The following ENTREP2 variants were observed in gnomAD, a reference collection of about 807,000 sequenced individuals.
The protein encoded by ENTREP2 is endosomal transmembrane epsin interactor 2, also known as protein ENTREP2.
chr15:29,196,381 G>T, the ENTREP2 span: 12 of 1,539,856 alleles, frequency 7.8e-6, no homozygotes, highest in Non-Finnish European at 1.1e-5. Flanking sequence ...TAAACTGTCT[G>T]TAAGGCATGG....
the ENTREP2 span, among the ~76,000 whole-genome samples, chr15:29,382,212 A>G: frequency 2.0e-5 from 3 of 151,764 alleles, no homozygotes; most frequent in African/African-American, 7.3e-5. Context: ...CAGTGAGCCA[A>G]GATCACACCA....
the ENTREP2 span, among the ~76,000 whole-genome samples, chr15:29,398,866 T>A: frequency 6.6e-6 from 1 of 152,152 alleles, no homozygotes; most frequent in African/African-American, 2.4e-5. Flanking sequence ...GGACTGTGAA[T>A]ATGTATGTGA....
chr15:29,278,530 G>C, the ENTREP2 span, among the ~76,000 whole-genome samples: 3 of 152,196 alleles, frequency 2.0e-5, no homozygotes, highest in Admixed American at 6.5e-5. Flanking sequence ...TGAGGCCTGG[G>C]CTCCAAGAGG....
the ENTREP2 span, among the ~76,000 whole-genome samples, chr15:29,524,901 C>CGG: frequency 1.6e-4 from 25 of 152,372 alleles, no homozygotes; most frequent in Admixed American, 1.4e-3. Context: ...TTGCCCACTC[C>CGG]CGGCTCGAAT....
At chr15:29,352,855 C>T in the ENTREP2 span, among the ~76,000 whole-genome samples, 1 of 152,190 alleles carries the variant, frequency 6.6e-6, no homozygotes, top group Non-Finnish European at 1.5e-5. Context: ...AACCACTTGG[C>T]TCATTTGCTT....
chr15:29,410,817 G>A, the ENTREP2 span, among the ~76,000 whole-genome samples: 8 of 152,174 alleles, frequency 5.3e-5, no homozygotes, highest in Non-Finnish European at 1.0e-4. Context: ...ATGGAGTCTT[G>A]CTCTGTTGCC....
the ENTREP2 span, among the ~76,000 whole-genome samples, chr15:29,276,911 G>A: frequency 6.6e-6 from 1 of 152,068 alleles, no homozygotes; most frequent in Non-Finnish European, 1.5e-5. Context: ...TATAATGAGA[G>A]GTGAATTGAA....
chr15:29,292,116 C>T, the ENTREP2 span, among the ~76,000 whole-genome samples: 1 of 152,076 alleles, frequency 6.6e-6, no homozygotes, highest in Non-Finnish European at 1.5e-5. Context: ...TCTGCATAAC[C>T]CAAAGAATAC....
At chr15:29,498,555 T>C in the ENTREP2 span, among the ~76,000 whole-genome samples, 1 of 152,176 alleles carries the variant, frequency 6.6e-6, no homozygotes, top group Non-Finnish European at 1.5e-5. Context: ...TAAGACTTGT[T>C]TTGTGGCCCA....
At chr15:29,258,280 A>C in the ENTREP2 span, among the ~76,000 whole-genome samples, 3 of 152,054 alleles carry the variant, frequency 2.0e-5, no homozygotes, top group Non-Finnish European at 2.9e-5. Context: ...TCATATTAGA[A>C]GTTACGGCAG....
the ENTREP2 span, among the ~76,000 whole-genome samples, chr15:29,439,599 G>A: frequency 6.8e-3 from 1,029 of 152,188 alleles, 17 homozygotes; most frequent in African/African-American, 0.024. Context: ...ATTGCTGCTG[G>A]GCCCAGATCC....
chr15:29,241,215 G>A, the ENTREP2 span, among the ~76,000 whole-genome samples: 1 of 152,086 alleles, frequency 6.6e-6, no homozygotes, highest in African/African-American at 2.4e-5. Flanking sequence ...CAAAACAGAG[G>A]GGATGGGCTA....
the ENTREP2 span, among the ~76,000 whole-genome samples, chr15:29,624,249 C>T: frequency 2.0e-5 from 3 of 152,156 alleles, no homozygotes; most frequent in Non-Finnish European, 2.9e-5. Context: ...TAACTTCAAC[C>T]TTTTCTAACT....
chr15:29,327,009 A>T, the ENTREP2 span, among the ~76,000 whole-genome samples: 199 of 152,210 alleles, frequency 1.3e-3, 2 homozygotes, highest in African/African-American at 4.7e-3. Context: ...GGACATCTAT[A>T]TGCAAAAAAA....
the ENTREP2 span, among the ~76,000 whole-genome samples, chr15:29,546,250 A>G: frequency 2.6e-5 from 4 of 152,336 alleles, no homozygotes; most frequent in South Asian, 8.3e-4. Flanking sequence ...CATCTTTTTT[A>G]AGATAAAAGT....
chr15:29,613,441 G>T, the ENTREP2 span: 1 of 462,338 alleles, frequency 2.2e-6, no homozygotes, highest in Non-Finnish European at 4.3e-6. Context: ...CACTCACTGG[G>T]TGAGGGCACA....
the ENTREP2 span, among the ~76,000 whole-genome samples, chr15:29,190,917 T>G: frequency 6.6e-6 from 1 of 152,208 alleles, no homozygotes; most frequent in Non-Finnish European, 1.5e-5. Context: ...CATTCTCCTT[T>G]GCTCCTTCTT....
At chr15:29,562,645 T>A in the ENTREP2 span, among the ~76,000 whole-genome samples, 6 of 152,316 alleles carry the variant, frequency 3.9e-5, no homozygotes, top group South Asian at 1.0e-3. Context: ...AGAGTTTCAT[T>A]GTTTATTAGC....
At chr15:29,125,795 C>T in the ENTREP2 span, among the ~76,000 whole-genome samples, 1 of 152,218 alleles carries the variant, frequency 6.6e-6, no homozygotes, top group Non-Finnish European at 1.5e-5. Flanking sequence ...AGGGCACTGC[C>T]CGCAGACACA....
Sources: gnomAD v4.1 joint callset for allele counts (sites outside exome capture counted in the v4.1 genomes callset) on GRCh38, gnomAD v4.1.1 for gene constraint, MANE v1.5 for transcripts, NCBI Gene and HGNC (gene_info 2026-07-23, HGNC 2026-07-21) for gene names.